The following CCSER1 variants were observed in gnomAD, a reference collection of about 807,000 sequenced individuals.
CCSER1 encodes serine-rich coiled-coil domain-containing protein 1.
In CCSER1, 41 loss-of-function variants were observed where a neutral mutation model predicts 82.0. The observed-to-expected ratio is 0.50, with a 90% CI of 0.39 to 0.65. The LOEUF (loss-of-function observed/expected upper bound fraction) is 0.65, where lower values mean the gene tolerates loss of function less well. CCSER1 is among the 30% of genes least tolerant of loss of function. CCSER1 has a pLI of 0.00. For synonymous variants in CCSER1, 414 were observed against 383.9 expected (o/e 1.08, Z -0.92); for missense variants, 1,119 against 1,064.2 (o/e 1.05, Z -0.72).
At chr4:91,392,734 T>C (rs370596331) in intron 10 of CCSER1, among the ~76,000 whole-genome samples, 13 of 152,108 alleles carry the variant, frequency 8.5e-5, no homozygotes, top group African/African-American at 1.9e-4. Flanking sequence ...TATTTAGTCA[T>C]GTGTATGGAT....
intron 9 of CCSER1, among the ~76,000 whole-genome samples, chr4:90,950,052 A>G (rs2150351796): frequency 6.6e-6 from 1 of 152,252 alleles, no homozygotes; most frequent in East Asian, 1.9e-4. Flanking sequence ...GTATCTGAAA[A>G]GTGCAAAAAG....
Position 91,108,923 on chromosome 4 carries a change from C to T in CCSER1, c.2217+22929C>T, listed in dbSNP as rs143205529. ...GTAGACTGAATAAGGAAGATCTGCC[C>T]TCACCCAGTGTGGGTGGGCACCATC... On this transcript the variant is annotated intron_variant, in intron 10 of 10. Transcript: ENST00000509176. Among the ~76,000 whole-genome samples, 7 of 152,230 alleles carry T rather than the reference C, an allele frequency of 4.6e-5. No homozygotes were observed. The East Asian group carries it at 1.4e-3, about 29-fold the overall frequency.
chr4:90,152,086 A>G (rs1578204548), intron 1 of CCSER1, among the ~76,000 whole-genome samples: 1 of 152,188 alleles, frequency 6.6e-6, no homozygotes, highest in South Asian at 2.1e-4. Context: ...AGTAACCCAA[A>G]TCAAAGTATC....
intron 10 of CCSER1, among the ~76,000 whole-genome samples, chr4:91,579,845 T>C (rs141384262): frequency 1.3e-5 from 2 of 151,970 alleles, no homozygotes; most frequent in East Asian, 1.9e-4. Context: ...TTGTAAATTA[T>C]AACACAAAAT....
chr4:90,345,006 A>G (rs1183624225), intron 3 of CCSER1, among the ~76,000 whole-genome samples: 1 of 152,090 alleles, frequency 6.6e-6, no homozygotes, highest in Non-Finnish European at 1.5e-5. Context: ...CCCATGTTTG[A>G]CAGTTTGCTC....
At chr4:91,547,428 T>G (rs952378313) in intron 10 of CCSER1, among the ~76,000 whole-genome samples, 2 of 152,204 alleles carry the variant, frequency 1.3e-5, no homozygotes, top group Non-Finnish European at 2.9e-5. Flanking sequence ...CTTGGAGAAT[T>G]GGCCCCTTTA....
At chr4:91,392,493 A>G (rs1342363218) in intron 10 of CCSER1, among the ~76,000 whole-genome samples, 2 of 152,086 alleles carry the variant, frequency 1.3e-5, no homozygotes, top group Non-Finnish European at 2.9e-5. Flanking sequence ...TTAGAATTTC[A>G]TAAAGATTGC....
intron 6 of CCSER1, among the ~76,000 whole-genome samples, chr4:90,640,260 T>A (rs149570681): frequency 1.2e-4 from 18 of 152,142 alleles, no homozygotes; most frequent in Non-Finnish European, 2.4e-4. Context: ...TTCTCAGTTG[T>A]TAAATTGTTT....
chr4:90,723,297 C>T (rs1743014369), intron 6 of CCSER1, among the ~76,000 whole-genome samples: 1 of 151,940 alleles, frequency 6.6e-6, no homozygotes, highest in African/African-American at 2.4e-5. Flanking sequence ...ACTAGATAAA[C>T]AGCCATTAGC....
intron 9 of CCSER1, among the ~76,000 whole-genome samples, chr4:90,964,557 T>A (rs1734357200): frequency 6.6e-6 from 1 of 151,656 alleles, no homozygotes; most frequent in Non-Finnish European, 1.5e-5. Flanking sequence ...AACCCGTCTC[T>A]ACTAAAAATA....
At chr4:90,268,367 A>G (rs1275929108) in intron 1 of CCSER1, among the ~76,000 whole-genome samples, 2 of 152,216 alleles carry the variant, frequency 1.3e-5, no homozygotes, top group African/African-American at 2.4e-5. Flanking sequence ...GTATAATAAA[A>G]TAGAAACAAT....
rs369121129 is a variant in CCSER1 at position 90,761,592 on chromosome 4, A to G, written c.2010+37601A>G. Among the ~76,000 whole-genome samples the G allele has an allele frequency of 3.3e-5, 5 of 152,282 alleles. No homozygotes were observed. In the East Asian group the frequency reaches 7.7e-4, roughly 24 times the overall value. ...CAGTGTCGGCAATATATTAATTTCA[A>G]ATGGTAACACAGCAATGCACTGATT... On this transcript the variant is annotated intron_variant, in intron 7 of 10. Transcript: ENST00000509176.
intron 1 of CCSER1, among the ~76,000 whole-genome samples, chr4:90,146,786 A>T (rs1007438761): frequency 8.5e-5 from 13 of 152,212 alleles, no homozygotes; most frequent in Non-Finnish European, 1.9e-4. Context: ...TAACTTGAAG[A>T]TGTGGCATTA....
At chr4:90,356,739 G>A (rs951372805) in intron 3 of CCSER1, among the ~76,000 whole-genome samples, 1 of 151,656 alleles carries the variant, frequency 6.6e-6, no homozygotes, top group Non-Finnish European at 1.5e-5. Context: ...ATAAATTCAT[G>A]CATTAATCTT....
intron 8 of CCSER1, among the ~76,000 whole-genome samples, chr4:90,897,658 GGTTGAAAGGTAGTTC>G (rs1227780948): frequency 6.6e-6 from 1 of 151,960 alleles, no homozygotes; most frequent in Non-Finnish European, 1.5e-5. Flanking sequence ...CCAGTAGTGG[GGTTGAAAGGTAGTTC>G]TATTTTTAGT....
At chr4:90,467,749 G>A (rs1475655133) in intron 4 of CCSER1, among the ~76,000 whole-genome samples, 7 of 152,132 alleles carry the variant, frequency 4.6e-5, no homozygotes, top group Non-Finnish European at 7.4e-5. Context: ...GATCCCATTT[G>A]TGTAAAGGTC....
chr4:90,691,295 G>GA (rs144781997), intron 6 of CCSER1, among the ~76,000 whole-genome samples: 24,638 of 151,730 alleles, frequency 0.16, 2,171 homozygotes, highest in Middle Eastern at 0.27. Flanking sequence ...GATACATATG[G>GA]ATTCTAGAGT....
At chr4:90,840,034 A>G (rs2048607671) in intron 8 of CCSER1, among the ~76,000 whole-genome samples, 1 of 151,944 alleles carries the variant, frequency 6.6e-6, no homozygotes, top group Admixed American at 6.6e-5. Flanking sequence ...ATAATACAAT[A>G]TATGTTATAT....
chr4:91,444,128 C>T (rs577731647), intron 10 of CCSER1, among the ~76,000 whole-genome samples: 7 of 152,090 alleles, frequency 4.6e-5, no homozygotes, highest in South Asian at 2.1e-4. Context: ...TGATGGGGTG[C>T]GATCACATAT....
Sources: gnomAD v4.1 joint callset for allele counts (sites outside exome capture counted in the v4.1 genomes callset) on GRCh38, gnomAD v4.1.1 for gene constraint, MANE v1.5 for transcripts, NCBI Gene and HGNC (gene_info 2026-07-23, HGNC 2026-07-21) for gene names.